Variants in NCAM2 observed in about 807,000 individuals in gnomAD.
NCAM2 encodes N-CAM-2.
NCAM2 carries 30 observed loss-of-function variants against 98.1 expected under a neutral mutation model. That is an observed-to-expected ratio of 0.31 (90% CI 0.23 to 0.41). NCAM2 has a LOEUF of 0.41. Ranked by LOEUF, NCAM2 falls within the 10% of genes least tolerant of loss-of-function variation. The probability of loss-of-function intolerance (pLI) is 1.00; values close to 1 mark genes in which losing one functional copy is unlikely to be tolerated. For missense variants in NCAM2, 867 were observed against 1,005.8 expected (o/e 0.86, Z 1.87); for synonymous variants, 368 against 342.4 (o/e 1.07, Z -0.83).
chr21:21,537,747 T>C lies in NCAM2; in HGVS notation c.2403-99T>C, dbSNP rs775464308. 1.4e-4 allele frequency: 78 copies of C among 540,860 alleles called. 1 individual carries two copies. In the Admixed American group the frequency reaches 2.0e-3, roughly 14 times the overall value. The allele number at this position is 540,860 out of a possible 1,614,324, so 33.5% of individuals were successfully genotyped here. ...TAGCATATATAAAATGTTAGCATAT[T>C]ATTGGAGCATATTTTCCTTACAAAA... On this transcript the variant is annotated intron_variant, in intron 17 of 17. Transcript: ENST00000400546.
chr21:21,329,252 C>T (rs1278626804), intron 6 of NCAM2, among the ~76,000 whole-genome samples: 1 of 152,086 alleles, frequency 6.6e-6, no homozygotes, highest in African/African-American at 2.4e-5. Flanking sequence ...TAGCAAAAAA[C>T]ACTTTTATAC....
chr21:21,138,779 G>GAT (rs1279828279), intron 1 of NCAM2, among the ~76,000 whole-genome samples: 1 of 151,956 alleles, frequency 6.6e-6, no homozygotes, highest in Non-Finnish European at 1.5e-5. Context: ...TACCAAAATA[G>GAT]ATATATATAT....
chr21:21,271,742 A>G (rs1214900686), intron 1 of NCAM2, among the ~76,000 whole-genome samples: 1 of 152,208 alleles, frequency 6.6e-6, no homozygotes, highest in African/African-American at 2.4e-5. Context: ...ATGTGAAAAG[A>G]AATAGAGTAA....
At chr21:21,329,724 T>A (rs1201010857) in intron 6 of NCAM2, among the ~76,000 whole-genome samples, 1 of 152,166 alleles carries the variant, frequency 6.6e-6, no homozygotes, top group East Asian at 1.9e-4. Context: ...CCAATATAAC[T>A]TTTATGTAAT....
At chr21:21,039,595 A>C (rs370442826) in intron 1 of NCAM2, among the ~76,000 whole-genome samples, 1 of 152,218 alleles carries the variant, frequency 6.6e-6, no homozygotes, top group African/African-American at 2.4e-5. Context: ...ATCAGTAAAA[A>C]ATGTAACTTC....
At chr21:21,476,146 G>C (rs915278971) in intron 14 of NCAM2, among the ~76,000 whole-genome samples, 2 of 151,928 alleles carry the variant, frequency 1.3e-5, no homozygotes, top group Non-Finnish European at 2.9e-5. Flanking sequence ...AGTAATACAG[G>C]GCTGAGCTAT....
chr21:21,113,896 T>C (rs2066501607), intron 1 of NCAM2, among the ~76,000 whole-genome samples: 1 of 152,192 alleles, frequency 6.6e-6, no homozygotes, highest in Admixed American at 6.5e-5. Flanking sequence ...AGTCTTTATT[T>C]CTATTTGTAT....
intron 8 of NCAM2, among the ~76,000 whole-genome samples, chr21:21,342,246 T>A (rs1183653771): frequency 6.6e-6 from 1 of 152,184 alleles, no homozygotes; most frequent in Non-Finnish European, 1.5e-5. Flanking sequence ...CCCCATAATA[T>A]AATGGCACAA....
Position 21,541,417 on chromosome 21 carries a change from T to G in NCAM2, c.*3460T>G, listed in dbSNP as rs1414512462. ...ATACTGTATAATTTACTTTAATTCATGTCAAAACAATTCTTTTTATACACA... is the reference window on the plus strand; with the variant it reads ...ATACTGTATAATTTACTTTAATTCAGGTCAAAACAATTCTTTTTATACACA... On this transcript the variant is annotated 3_prime_UTR_variant, in exon 18 of 18. Coordinates refer to ENST00000400546, the MANE Select transcript of NCAM2 (RefSeq NM_004540.5). 3 of 151,614 alleles carry G rather than the reference T, an allele frequency of 2.0e-5. No individual in the cohort carries two copies. The highest frequency in any genetic ancestry group is 4.4e-5 in the Non-Finnish European group (3 of 67,714). The allele number at this position is 151,614 out of a possible 1,614,324, so 9.4% of individuals were successfully genotyped here. A position where few individuals can be genotyped will look rare whatever the true frequency, so the allele number is the denominator to read the frequency against.
At chr21:21,150,096 AT>A (rs2067404343) in intron 1 of NCAM2, among the ~76,000 whole-genome samples, 1 of 152,030 alleles carries the variant, frequency 6.6e-6, no homozygotes, top group African/African-American at 2.4e-5. Context: ...TTCCTTATAT[AT>A]TATGTGAAAT....
chr21:21,098,441 C>A (rs1377755805), intron 1 of NCAM2, among the ~76,000 whole-genome samples: 1 of 151,674 alleles, frequency 6.6e-6, no homozygotes, highest in African/African-American at 2.4e-5. Context: ...TTTTATTATT[C>A]TTACTGAAAC....
chr21:21,408,798 A>C (rs1379025917), intron 9 of NCAM2, among the ~76,000 whole-genome samples: 1 of 152,004 alleles, frequency 6.6e-6, no homozygotes, highest in Non-Finnish European at 1.5e-5. Flanking sequence ...TTACCTTCAT[A>C]TAGAAATGAT....
At chr21:21,362,022 AC>A (rs1203997391) in intron 8 of NCAM2, among the ~76,000 whole-genome samples, 1 of 152,124 alleles carries the variant, frequency 6.6e-6, no homozygotes, top group Non-Finnish European at 1.5e-5. Context: ...TATTAGCCCT[AC>A]TTTAAATATA....
chr21:21,313,886 G>T (rs1051437438), intron 5 of NCAM2, among the ~76,000 whole-genome samples: 2 of 151,940 alleles, frequency 1.3e-5, no homozygotes, highest in Admixed American at 6.6e-5. Flanking sequence ...GTAATTCAAT[G>T]TCCCTATTTA....
At chr21:21,360,644 C>G (rs1477224023) in intron 8 of NCAM2, among the ~76,000 whole-genome samples, 1 of 151,936 alleles carries the variant, frequency 6.6e-6, no homozygotes, top group East Asian at 1.9e-4. Context: ...ATTTTACTGT[C>G]TATTACAATA....
intron 1 of NCAM2, among the ~76,000 whole-genome samples, chr21:21,047,031 T>C (rs2146280718): frequency 8.6e-6 from 1 of 115,854 alleles, no homozygotes; most frequent in East Asian, 2.6e-4. Context: ...ATAGCTGCTT[T>C]ATGAAACAGC....
chr21:21,275,800 C>A (rs962950241), intron 1 of NCAM2, among the ~76,000 whole-genome samples: 1 of 152,122 alleles, frequency 6.6e-6, no homozygotes, highest in Admixed American at 6.5e-5. Context: ...GTTTTTATCT[C>A]CCTTCATTCA....
At chr21:21,311,156 T>C (rs1003754230) in intron 5 of NCAM2, among the ~76,000 whole-genome samples, 1 of 152,186 alleles carries the variant, frequency 6.6e-6, no homozygotes, top group Non-Finnish European at 1.5e-5. Flanking sequence ...AAAGGAGCTT[T>C]ATATTAGTTT....
At chr21:21,338,288 T>G in intron 7 of NCAM2, 101 bp from the exon 8 acceptor site, 1 of 1,087,870 alleles carries the variant, frequency 9.2e-7, no homozygotes, top group Non-Finnish European at 1.3e-6. Context: ...GCTAATAATA[T>G]CATACTATAC....
Sources: gnomAD v4.1 joint callset for allele counts (sites outside exome capture counted in the v4.1 genomes callset) on GRCh38, gnomAD v4.1.1 for gene constraint, MANE v1.5 for transcripts, NCBI Gene and HGNC (gene_info 2026-07-23, HGNC 2026-07-21) for gene names.